CSMD1: variants seen among roughly 807,000 people sequenced by gnomAD.
CSMD1 encodes CUB and sushi domain-containing protein 1.
Under a neutral mutation model 417.5 loss-of-function variants are expected in CSMD1, and 213 were observed. The ratio of observed to expected loss-of-function variants is 0.51; its 90% CI spans 0.46 to 0.57. The LOEUF (loss-of-function observed/expected upper bound fraction) is 0.57, where lower values mean the gene tolerates loss of function less well. CSMD1 is among the 20% of genes least tolerant of loss of function. The pLI is 0.00. For synonymous variants in CSMD1, 2,862 were observed against 1,736.8 expected (o/e 1.65, Z -16.11); for missense variants, 6,923 against 4,529.7 (o/e 1.53, Z -15.17).
intron 10 of CSMD1, among the ~76,000 whole-genome samples, chr8:3,498,581 A>T (rs1220238395): frequency 6.6e-6 from 1 of 152,188 alleles, no homozygotes; most frequent in South Asian, 2.1e-4. Flanking sequence ...TTATTTTATT[A>T]TATAGATATC....
At chr8:2,942,017 TAA>T (rs764687670) in intron 69 of CSMD1, among the ~76,000 whole-genome samples, 20 of 152,154 alleles carry the variant, frequency 1.3e-4, no homozygotes, top group Non-Finnish European at 2.5e-4. Context: ...GTATTCTGCT[TAA>T]AAAGTAGGGC....
intron 15 of CSMD1, among the ~76,000 whole-genome samples, chr8:3,404,893 C>A (rs916163937): frequency 6.6e-6 from 1 of 152,090 alleles, no homozygotes; most frequent in Non-Finnish European, 1.5e-5. Context: ...CTGTTTGAAG[C>A]TGAATCATTT....
intron 10 of CSMD1, among the ~76,000 whole-genome samples, chr8:3,557,329 G>C (rs1337746681): frequency 6.6e-6 from 1 of 152,130 alleles, no homozygotes; most frequent in African/African-American, 2.4e-5. Flanking sequence ...GCAGACCATC[G>C]CTGCCTCTCT....
chr8:3,675,819 G>C (rs918480871), intron 7 of CSMD1, among the ~76,000 whole-genome samples: 2 of 152,308 alleles, frequency 1.3e-5, no homozygotes, highest in Admixed American at 1.3e-4. Context: ...AGCAGCCAGA[G>C]TTGACTAAGC....
chr8:3,612,800 C>T (rs921979885), intron 8 of CSMD1, among the ~76,000 whole-genome samples: 3 of 151,916 alleles, frequency 2.0e-5, no homozygotes, highest in African/African-American at 4.8e-5. Flanking sequence ...AAATTGATAG[C>T]AGTAAATACC....
intron 3 of CSMD1, among the ~76,000 whole-genome samples, chr8:4,373,217 G>C (rs962149371): frequency 6.6e-6 from 1 of 152,188 alleles, no homozygotes; most frequent in African/African-American, 2.4e-5. Context: ...AACAAGAGGA[G>C]TCTGAGAAAC....
intron 46 of CSMD1, among the ~76,000 whole-genome samples, chr8:3,099,272 C>T (rs1815562848): frequency 6.6e-6 from 1 of 152,094 alleles, no homozygotes; most frequent in Non-Finnish European, 1.5e-5. Flanking sequence ...CCTGTAAGTT[C>T]CTTCATCTAG....
intron 11 of CSMD1, among the ~76,000 whole-genome samples, chr8:3,488,935 G>A (rs913026124): frequency 2.0e-5 from 3 of 152,048 alleles, no homozygotes; most frequent in Admixed American, 6.5e-5. Context: ...TTTTAAAACC[G>A]AAAATGTATT....
chr8:4,472,403 T>C (rs1033966405), intron 2 of CSMD1, among the ~76,000 whole-genome samples: 16 of 152,120 alleles, frequency 1.1e-4, no homozygotes, highest in Admixed American at 3.3e-4. Context: ...TGTAGTCTCT[T>C]AATACTTTTA....
rs1563184144 is a variant in CSMD1, at chr8:3,892,563, T to TAATAATAATAA, written c.818+105339_818+105340insTTATTATTATT. Among the ~76,000 whole-genome samples the TAATAATAATAA allele has an allele frequency of 1.3e-3, 190 of 150,854 alleles. 1 individual carries two copies. The highest frequency in any genetic ancestry group is 4.3e-3 in the African/African-American group (177 of 40,978). ...AATAATAATAATAATAATAATAAGA[T>TAATAATAATAA]TACTCTAAGTAAAACCAGTTAAATC... On this transcript the variant is annotated intron_variant, in intron 5 of 69. Coordinates refer to ENST00000635120, the MANE Select transcript of CSMD1 (RefSeq NM_033225.6).
chr8:3,981,220 A>T (rs1355990930), intron 5 of CSMD1, among the ~76,000 whole-genome samples: 2 of 152,218 alleles, frequency 1.3e-5, no homozygotes, highest in Non-Finnish European at 2.9e-5. Flanking sequence ...ACATGCAATT[A>T]TTCTAAGTGA....
chr8:3,908,256 G>T (rs965890521), intron 5 of CSMD1, among the ~76,000 whole-genome samples: 1 of 84,652 alleles, frequency 1.2e-5, no homozygotes, highest in Admixed American at 1.4e-4. Flanking sequence ...ATATGAGAAA[G>T]CTGAGTCAGG....
At chr8:4,703,343 T>C (rs577231416) in intron 1 of CSMD1, among the ~76,000 whole-genome samples, 6 of 152,290 alleles carry the variant, frequency 3.9e-5, no homozygotes, top group Admixed American at 3.9e-4. Flanking sequence ...TCCACGGACC[T>C]TTCTGCAAAG....
intron 1 of CSMD1, among the ~76,000 whole-genome samples, chr8:4,970,554 G>C (rs1025040029): frequency 2.0e-5 from 3 of 151,958 alleles, no homozygotes; most frequent in African/African-American, 7.3e-5. Flanking sequence ...TGGACAACAG[G>C]TGGTATGAAC....
chr8:3,371,610 G>T (rs761966496), intron 18 of CSMD1, among the ~76,000 whole-genome samples: 5 of 151,834 alleles, frequency 3.3e-5, no homozygotes, highest in South Asian at 2.1e-4. Context: ...TGATCATTCT[G>T]AATTATGTTT....
chr8:3,282,757 G>T (rs777485355), intron 26 of CSMD1, among the ~76,000 whole-genome samples: 5 of 152,046 alleles, frequency 3.3e-5, no homozygotes, highest in Admixed American at 6.6e-5. Context: ...ATAACCAGAG[G>T]TAAGAAATTG....
At chr8:3,773,771 C>A (rs1269400658) in intron 5 of CSMD1, among the ~76,000 whole-genome samples, 1 of 152,174 alleles carries the variant, frequency 6.6e-6, no homozygotes, top group African/African-American at 2.4e-5. Flanking sequence ...GAATAAATAT[C>A]CAGAATAAAT....
intron 12 of CSMD1, among the ~76,000 whole-genome samples, chr8:3,462,773 C>T (rs573522413): frequency 1.1e-4 from 16 of 151,906 alleles, no homozygotes; most frequent in African/African-American, 2.9e-4. Flanking sequence ...AAACCGGTCC[C>T]TTGTGCCAAA....
intron 1 of CSMD1, among the ~76,000 whole-genome samples, chr8:4,759,564 C>A (rs1454209656): frequency 7.0e-6 from 1 of 143,834 alleles, no homozygotes; most frequent in African/African-American, 2.8e-5. Context: ...CTCCCTTTCC[C>A]CGAACCATCC....
Sources: allele counts gnomAD v4.1 joint callset (sites outside exome capture counted in the v4.1 genomes callset), GRCh38; gene constraint gnomAD v4.1.1; transcripts MANE v1.5; gene names NCBI Gene and HGNC (gene_info 2026-07-23, HGNC 2026-07-21).